UBE2E1: variants seen among roughly 807,000 people sequenced by gnomAD.
UBE2E1 encodes the protein ubiquitin conjugating enzyme E2 E1, also known as ubiquitin-conjugating enzyme E2 E1.
UBE2E1 carries 6 observed loss-of-function variants against 21.4 expected under a neutral mutation model. The ratio of observed to expected loss-of-function variants is 0.28; its 90% confidence interval spans 0.15 to 0.55. The LOEUF (loss-of-function observed/expected upper bound fraction) is 0.55, where lower values mean the gene tolerates loss of function less well. Among genes scored for constraint, UBE2E1 ranks in the 20% least tolerant of loss-of-function variants. The pLI is 0.93. For synonymous variants in UBE2E1, 87 were observed against 82.7 expected (o/e 1.05, Z -0.28); for missense variants, 142 against 236.5 (o/e 0.60, Z 2.62).
chr3:23,822,054 AG>A (rs1362336445), intron 3 of UBE2E1, among the ~76,000 whole-genome samples: 1 of 152,218 alleles, frequency 6.6e-6, no homozygotes, highest in Non-Finnish European at 1.5e-5. Flanking sequence ...AGTGTACACT[AG>A]GAAAAGCCAG....
intron 3 of UBE2E1, among the ~76,000 whole-genome samples, chr3:23,873,469 G>A (rs188591974): frequency 6.6e-5 from 10 of 152,200 alleles, no homozygotes; most frequent in East Asian, 5.8e-4. Context: ...TTAGGCAGTC[G>A]GGCGCGGTGG....
At chr3:23,886,933 A>G (rs1184607717) in intron 3 of UBE2E1, among the ~76,000 whole-genome samples, 1 of 152,232 alleles carries the variant, frequency 6.6e-6, no homozygotes. Context: ...GTGATTTATG[A>G]TAACAGCTAA....
chr3:23,888,991 T>TATC (rs1701273804), intron 4 of UBE2E1, 121 bp from the exon 5 acceptor site: 3 of 981,378 alleles, frequency 3.1e-6, no homozygotes, highest in Non-Finnish European at 2.9e-6. Context: ...ATTTATTGTC[T>TATC]ATCTTCTTGA....
At chr3:23,838,488 A>G (rs562850444) in intron 3 of UBE2E1, among the ~76,000 whole-genome samples, 69 of 151,960 alleles carry the variant, frequency 4.5e-4, no homozygotes, top group African/African-American at 1.6e-3. Context: ...ACATGATTGG[A>G]TTTATTTATT....
intron 3 of UBE2E1, among the ~76,000 whole-genome samples, chr3:23,854,390 T>TA (rs1271346699): frequency 6.6e-6 from 1 of 152,196 alleles, no homozygotes; most frequent in Non-Finnish European, 1.5e-5. Flanking sequence ...TGAGATATAT[T>TA]ATCTTTTCCA....
rs2125278864 is a variant in UBE2E1, at chr3:23,810,542, G to C, written c.153-918G>C. 1 of 1,533,650 alleles carries C rather than the reference G, an allele frequency of 6.5e-7. No individual in the cohort carries two copies. Among genetic ancestry groups the C allele is most frequent in the East Asian group, 2.5e-5 (1 of 40,788 alleles). ...GGGGAAAAGCAGGTCCGGGGAGGTGGGCCGAGAGTCCCGGCCAGCGTGCGG... is the reference window on the plus strand; with the variant it reads ...GGGGAAAAGCAGGTCCGGGGAGGTGCGCCGAGAGTCCCGGCCAGCGTGCGG... On this transcript the variant is annotated intron_variant, in intron 2 of 5. Coordinates refer to ENST00000306627, the MANE Select transcript of UBE2E1 (RefSeq NM_003341.5). The surrounding 1 kb of genome is among the most constrained non-coding windows in gnomAD (Gnocchi z 5.8).
chr3:23,873,413 G>C (rs1182782709), intron 3 of UBE2E1, among the ~76,000 whole-genome samples: 1 of 149,042 alleles, frequency 6.7e-6, no homozygotes, highest in Non-Finnish European at 1.5e-5. Context: ...GGCCCTGGGA[G>C]GGTGCAGGTG....
chr3:23,810,546 G>T lies in UBE2E1; in HGVS notation c.153-914G>T. The T allele has an allele frequency of 9.1e-6, 14 of 1,532,502 alleles. No homozygotes were observed. The highest frequency in any genetic ancestry group is 1.1e-5 in the Non-Finnish European group (13 of 1,144,702). 94.9% of individuals were successfully genotyped at this position (1,532,502 alleles called of 1,614,324 possible). A position where few individuals can be genotyped will look rare whatever the true frequency, so the allele number is the denominator to read the frequency against. On this transcript the variant is annotated intron_variant, in intron 2 of 5. Transcript: ENST00000306627. The surrounding 1 kb of genome is among the most constrained non-coding windows in gnomAD (Gnocchi z 5.8). ...AAAAGCAGGTCCGGGGAGGTGGGCC[G>T]AGAGTCCCGGCCAGCGTGCGGGGCG...
At chr3:23,844,122 G>A (rs1700147542) in intron 3 of UBE2E1, among the ~76,000 whole-genome samples, 1 of 152,082 alleles carries the variant, frequency 6.6e-6, no homozygotes, top group South Asian at 2.1e-4. Context: ...AGTCTCTAAG[G>A]CGCAGGCTAC....
intron 3 of UBE2E1, among the ~76,000 whole-genome samples, chr3:23,855,150 A>G (rs1466744355): frequency 6.6e-6 from 1 of 152,216 alleles, no homozygotes; most frequent in East Asian, 1.9e-4. Flanking sequence ...TATTAAAAGC[A>G]GTCTTTGGGT....
chr3:23,860,033 C>G (rs576675200), intron 3 of UBE2E1, among the ~76,000 whole-genome samples: 1 of 152,274 alleles, frequency 6.6e-6, no homozygotes, highest in Admixed American at 6.5e-5. Context: ...GCAGGTTTTG[C>G]ACACAGCAGA....
intron 3 of UBE2E1, among the ~76,000 whole-genome samples, chr3:23,824,242 C>T (rs919320011): frequency 6.6e-6 from 1 of 152,112 alleles, no homozygotes; most frequent in African/African-American, 2.4e-5. Context: ...GGAGCCCAGA[C>T]TTATTTGTTA....
chr3:23,856,177 C>T (rs894310447), intron 3 of UBE2E1, among the ~76,000 whole-genome samples: 2 of 152,090 alleles, frequency 1.3e-5, no homozygotes, highest in Non-Finnish European at 2.9e-5. Flanking sequence ...CAGGCAGGTA[C>T]CACCATGCCT....
chr3:23,860,461 A>T (rs574408178), intron 3 of UBE2E1, among the ~76,000 whole-genome samples: 1 of 152,282 alleles, frequency 6.6e-6, no homozygotes, highest in Non-Finnish European at 1.5e-5. Flanking sequence ...TTTAGTTAAC[A>T]AAATTCTGAG....
intron 3 of UBE2E1, among the ~76,000 whole-genome samples, chr3:23,818,084 C>A (rs936415028): frequency 1.3e-5 from 2 of 152,070 alleles, no homozygotes; most frequent in African/African-American, 4.8e-5. Context: ...AGGTAGAAGA[C>A]AGTAGAATCC....
intron 3 of UBE2E1, among the ~76,000 whole-genome samples, chr3:23,834,427 C>G (rs766644921): frequency 2.6e-5 from 4 of 152,236 alleles, no homozygotes; most frequent in Non-Finnish European, 5.9e-5. Flanking sequence ...ATTCCCCCAT[C>G]TTTCTCACAT....
chr3:23,831,885 A>G (rs533974982), intron 3 of UBE2E1, among the ~76,000 whole-genome samples: 3 of 152,180 alleles, frequency 2.0e-5, no homozygotes, highest in Non-Finnish European at 4.4e-5. Context: ...TTGTAGAGGC[A>G]GGGTTTCACC....
intron 4 of UBE2E1, among the ~76,000 whole-genome samples, chr3:23,888,016 A>AACCT: frequency 6.6e-6 from 1 of 152,290 alleles, no homozygotes; most frequent in Non-Finnish European, 1.5e-5. Flanking sequence ...GAGGTTAAAA[A>AACCT]TGGTGTCAAG....
intron 3 of UBE2E1, among the ~76,000 whole-genome samples, chr3:23,854,650 T>G (rs1700398618): frequency 6.6e-6 from 1 of 152,216 alleles, no homozygotes; most frequent in Non-Finnish European, 1.5e-5. Context: ...TTTTAATATG[T>G]AGGAGTTACA....
Sources: gnomAD v4.1 joint callset for allele counts (sites outside exome capture counted in the v4.1 genomes callset) on GRCh38, gnomAD v4.1.1 for gene constraint, Gnocchi (gnomAD v3.1) non-coding constraint, MANE v1.5 for transcripts, NCBI Gene and HGNC (gene_info 2026-07-23, HGNC 2026-07-21) for gene names.